ANKS1B: variants seen among roughly 807,000 people sequenced by gnomAD.
ANKS1B encodes ankyrin repeat and sterile alpha motif domain containing 1B.
A neutral mutation model predicts 148.3 loss-of-function variants in ANKS1B; 36 were observed. The ratio of observed to expected loss-of-function variants is 0.24; its 90% CI spans 0.19 to 0.32. The LOEUF is 0.32. ANKS1B is among the 10% of genes least tolerant of loss of function. The probability of loss-of-function intolerance (pLI) is 1.00; values close to 1 mark genes in which losing one functional copy is unlikely to be tolerated. For synonymous variants in ANKS1B, 542 were observed against 560.8 expected (o/e 0.97, Z 0.47); for missense variants, 1,157 against 1,542.6 (o/e 0.75, Z 4.19).
intron 1 of ANKS1B, among the ~76,000 whole-genome samples, chr12:99,963,514 A>C (rs1160023750): frequency 1.3e-5 from 2 of 152,196 alleles, no homozygotes; most frequent in African/African-American, 2.4e-5. Context: ...TGCAAAGCTG[A>C]ATGATCTTTT....
intron 17 of ANKS1B, among the ~76,000 whole-genome samples, chr12:98,879,453 T>C (rs545005975): frequency 5.3e-5 from 8 of 152,224 alleles, no homozygotes; most frequent in Non-Finnish European, 1.0e-4. Flanking sequence ...CCTCAATATG[T>C]CATTCATCCT....
At chr12:99,605,615 T>C (rs972555982) in intron 9 of ANKS1B, among the ~76,000 whole-genome samples, 1 of 152,134 alleles carries the variant, frequency 6.6e-6, no homozygotes, top group Admixed American at 6.6e-5. Context: ...TTATTTCACA[T>C]AACATAATGT....
intron 24 of ANKS1B, among the ~76,000 whole-genome samples, chr12:98,778,014 G>A (rs910400542): frequency 6.6e-6 from 1 of 152,160 alleles, no homozygotes; most frequent in African/African-American, 2.4e-5. Flanking sequence ...CGTTCTTCAC[G>A]ACCAACAGGC....
chr12:99,084,326 G>A (rs2050865954), intron 16 of ANKS1B, among the ~76,000 whole-genome samples: 2 of 152,162 alleles, frequency 1.3e-5, no homozygotes, highest in Admixed American at 1.3e-4. Flanking sequence ...TGGGGGGCCA[G>A]AACTGATATT....
chr12:99,697,093 G>T (rs1239484506), intron 8 of ANKS1B, among the ~76,000 whole-genome samples: 1 of 152,208 alleles, frequency 6.6e-6, no homozygotes, highest in Admixed American at 6.5e-5. Flanking sequence ...ATGCTGGTGA[G>T]GATGTGGAGC....
chr12:99,654,039 T>C (rs554774035), intron 9 of ANKS1B, among the ~76,000 whole-genome samples: 72 of 152,310 alleles, frequency 4.7e-4, no homozygotes, highest in African/African-American at 1.6e-3. Flanking sequence ...TCTACCTTTA[T>C]GGAGCTCACA....
intron 10 of ANKS1B, among the ~76,000 whole-genome samples, chr12:99,455,962 A>G (rs142635439): frequency 6.6e-6 from 1 of 152,130 alleles, no homozygotes; most frequent in Non-Finnish European, 1.5e-5. Context: ...GAGGACAACC[A>G]AAACAAAACC....
intron 9 of ANKS1B, chr12:99,650,094 A>G (rs1162442800): frequency 1.3e-5 from 2 of 152,374 alleles, no homozygotes; most frequent in Admixed American, 1.3e-4. Flanking sequence ...GAAGGGTAGC[A>G]ATAAAACTAA....
intron 19 of ANKS1B, among the ~76,000 whole-genome samples, chr12:98,812,262 G>C (rs1479437450): frequency 6.6e-6 from 1 of 152,122 alleles, no homozygotes; most frequent in Non-Finnish European, 1.5e-5. Context: ...GCCAGACTTA[G>C]GTATGTTTAG....
At chr12:99,964,806 G>T (rs1045808153) in intron 1 of ANKS1B, among the ~76,000 whole-genome samples, 3 of 152,320 alleles carry the variant, frequency 2.0e-5, no homozygotes, top group Middle Eastern at 3.4e-3. Context: ...TATGAAAAGG[G>T]TGAAGAGGTG....
intron 17 of ANKS1B, among the ~76,000 whole-genome samples, chr12:99,042,586 G>T (rs1371439704): frequency 1.3e-5 from 2 of 152,172 alleles, no homozygotes; most frequent in African/African-American, 2.4e-5. Flanking sequence ...GCATTGTTGA[G>T]GCAATGGATA....
intron 15 of ANKS1B, among the ~76,000 whole-genome samples, chr12:99,090,730 T>A (rs535533371): frequency 2.4e-4 from 36 of 152,274 alleles, no homozygotes; most frequent in African/African-American, 8.2e-4. Context: ...TTTGAGTCAA[T>A]TTGATATCAA....
intron 9 of ANKS1B, among the ~76,000 whole-genome samples, chr12:99,632,767 A>ATATTTTTT (rs1441486862): frequency 4.2e-5 from 3 of 71,336 alleles, no homozygotes; most frequent in South Asian, 4.5e-4. Context: ...ATATATATAT[A>ATATTTTTT]TTTTAATTAT....
At chr12:98,790,069 T>C (rs1221032114) in intron 22 of ANKS1B, among the ~76,000 whole-genome samples, 1 of 152,232 alleles carries the variant, frequency 6.6e-6, no homozygotes, top group African/African-American at 2.4e-5. Context: ...AATGAACGTG[T>C]ATTGCTTTTG....
At chr12:99,511,843 G>C (rs769330577) in intron 9 of ANKS1B, among the ~76,000 whole-genome samples, 6 of 151,792 alleles carry the variant, frequency 4.0e-5, no homozygotes, top group Non-Finnish European at 8.8e-5. Context: ...ATGGTGCTGG[G>C]AGAACTGACT....
intron 12 of ANKS1B, among the ~76,000 whole-genome samples, chr12:99,288,389 A>G (rs2079430473): frequency 1.3e-5 from 2 of 152,292 alleles, no homozygotes; most frequent in Middle Eastern, 6.8e-3. Flanking sequence ...AACCAACATC[A>G]TATCTGTCCT....
chr12:99,491,896 A>C (rs1040099684), intron 10 of ANKS1B, among the ~76,000 whole-genome samples: 1 of 152,132 alleles, frequency 6.6e-6, no homozygotes, highest in East Asian at 1.9e-4. Flanking sequence ...GAATCTCTGG[A>C]ACACAGCTAA....
intron 9 of ANKS1B, among the ~76,000 whole-genome samples, chr12:99,601,214 A>G (rs1013584278): frequency 6.6e-6 from 1 of 152,080 alleles, no homozygotes; most frequent in Non-Finnish European, 1.5e-5. Context: ...AGGATGACAA[A>G]GACTCCAAAA....
chr12:99,914,285 G>A (rs183928910), intron 1 of ANKS1B, among the ~76,000 whole-genome samples: 6 of 152,322 alleles, frequency 3.9e-5, no homozygotes, highest in African/African-American at 1.4e-4. Context: ...AGTGATAAGT[G>A]AGTGGTGATA....
Sources: allele counts gnomAD v4.1 joint callset (sites outside exome capture counted in the v4.1 genomes callset), GRCh38; gene constraint gnomAD v4.1.1; transcripts MANE v1.5; gene names NCBI Gene and HGNC (gene_info 2026-07-23, HGNC 2026-07-21).